The following ADGRL2 variants were observed in gnomAD, a reference collection of about 807,000 sequenced individuals.
The protein encoded by ADGRL2 is adhesion G protein-coupled receptor L2.
In ADGRL2, 44 loss-of-function variants were observed where a neutral mutation model predicts 157.4. That is an observed-to-expected ratio of 0.28 (90% CI 0.22 to 0.36). The LOEUF (loss-of-function observed/expected upper bound fraction) is 0.36. ADGRL2 is among the 10% of genes least tolerant of loss of function. The pLI, the probability that ADGRL2 is intolerant of heterozygous loss-of-function variation, is 1.00. For missense variants in ADGRL2, 1,510 were observed against 1,768.9 expected (o/e 0.85, Z 2.63); for synonymous variants, 585 against 624.7 (o/e 0.94, Z 0.95).
At chr1:81,467,960 TG>T (rs1441481318) in intron 2 of ADGRL2, among the ~76,000 whole-genome samples, 11 of 152,310 alleles carry the variant, frequency 7.2e-5, no homozygotes, top group Admixed American at 7.2e-4. Context: ...AAAATTTAAA[TG>T]TTTTTTCTAA....
chr1:81,669,920 G>A (rs2082837343), intron 3 of ADGRL2, among the ~76,000 whole-genome samples: 1 of 144,434 alleles, frequency 6.9e-6, no homozygotes, highest in South Asian at 2.2e-4. Context: ...TCCAGCCTGG[G>A]TGACAGAGTG....
chr1:81,409,215 G>T (rs1380393211), intron 1 of ADGRL2, among the ~76,000 whole-genome samples: 1 of 152,064 alleles, frequency 6.6e-6, no homozygotes, highest in African/African-American at 2.4e-5. Flanking sequence ...GCTCACTGGT[G>T]CATCCGCTAC....
chr1:81,470,465 T>G (rs2078148136), intron 2 of ADGRL2, among the ~76,000 whole-genome samples: 2 of 152,214 alleles, frequency 1.3e-5, no homozygotes, highest in Non-Finnish European at 2.9e-5. Context: ...CATGCCCTTT[T>G]TCAAGTTCCA....
At chr1:81,368,331 T>C (rs1440001428) in intron 1 of ADGRL2, among the ~76,000 whole-genome samples, 1 of 152,220 alleles carries the variant, frequency 6.6e-6, no homozygotes, top group Non-Finnish European at 1.5e-5. Context: ...TGTCTTCTTT[T>C]GAGAAGTGTC....
intron 3 of ADGRL2, among the ~76,000 whole-genome samples, chr1:81,916,566 AAG>A (rs1048628540): frequency 6.6e-6 from 1 of 152,096 alleles, no homozygotes; most frequent in Admixed American, 6.6e-5. Context: ...CAGTTAAAAA[AAG>A]AACAAGTTGT....
chr1:81,669,950 A>G (rs540889857), intron 3 of ADGRL2, among the ~76,000 whole-genome samples: 4 of 150,310 alleles, frequency 2.7e-5, no homozygotes, highest in African/African-American at 9.9e-5. Context: ...CTCAAAAAAA[A>G]AAAAAAAAAA....
At chr1:81,801,245 A>G (rs1026165960) in intron 1 of ADGRL2, among the ~76,000 whole-genome samples, 177 bp downstream of exon 1, 2 of 151,836 alleles carry the variant, frequency 1.3e-5, no homozygotes, top group Non-Finnish European at 2.9e-5. Context: ...TTGCTGGAAA[A>G]CTCAGGAGGG....
intron 1 of ADGRL2, among the ~76,000 whole-genome samples, chr1:81,394,579 A>C (rs141475257): frequency 6.6e-6 from 1 of 152,196 alleles, no homozygotes; most frequent in Admixed American, 6.5e-5. Flanking sequence ...TCCGTTGTGT[A>C]TATATACCAC....
chr1:81,536,204 A>G (rs2079733305), intron 2 of ADGRL2, among the ~76,000 whole-genome samples: 1 of 152,200 alleles, frequency 6.6e-6, no homozygotes, highest in South Asian at 2.1e-4. Context: ...TAATATGTGC[A>G]GTATATATTT....
chr1:81,905,196 C>G (rs1449398605), intron 2 of ADGRL2, among the ~76,000 whole-genome samples: 1 of 151,554 alleles, frequency 6.6e-6, no homozygotes, highest in Non-Finnish European at 1.5e-5. Context: ...CTCCCAGGTT[C>G]AAATGATTCT....
At chr1:81,468,435 C>T (rs965371064) in intron 2 of ADGRL2, among the ~76,000 whole-genome samples, 1 of 152,070 alleles carries the variant, frequency 6.6e-6, no homozygotes, top group African/African-American at 2.4e-5. Context: ...TAATCAAAGA[C>T]AGAAAATAAA....
chr1:81,910,117 G>C (rs12406616), intron 3 of ADGRL2, among the ~76,000 whole-genome samples: 32,321 of 151,420 alleles, frequency 0.21, 4,122 homozygotes, highest in East Asian at 0.62. Flanking sequence ...GCAGGCACCT[G>C]TAATCCCAGC....
At chr1:81,468,407 T>C (rs2078104169) in intron 2 of ADGRL2, among the ~76,000 whole-genome samples, 1 of 152,124 alleles carries the variant, frequency 6.6e-6, no homozygotes, top group Non-Finnish European at 1.5e-5. Context: ...AGGCAGATAA[T>C]TCAGAATTAA....
chr1:81,957,264 A>G (rs991090755), intron 11 of ADGRL2, among the ~76,000 whole-genome samples: 5 of 150,468 alleles, frequency 3.3e-5, no homozygotes, highest in South Asian at 4.2e-4. Context: ...GTTCACATCT[A>G]TGCTCCCATC....
intron 1 of ADGRL2, among the ~76,000 whole-genome samples, chr1:81,429,805 T>C (rs2077286238): frequency 6.6e-6 from 1 of 152,184 alleles, no homozygotes. Flanking sequence ...TTTCGGGTAA[T>C]GGAGGAAAGG....
intron 2 of ADGRL2, among the ~76,000 whole-genome samples, chr1:81,510,157 C>G (rs534435859): frequency 6.6e-6 from 1 of 152,208 alleles, no homozygotes; most frequent in South Asian, 2.1e-4. Flanking sequence ...TGCTAATGAA[C>G]TAAATTAGAC....
chr1:81,735,653 G>C (rs1407406819), intron 1 of ADGRL2, among the ~76,000 whole-genome samples: 7 of 152,040 alleles, frequency 4.6e-5, no homozygotes, highest in Non-Finnish European at 1.0e-4. Flanking sequence ...AGCCCAGCAT[G>C]ATGGTGGATG....
chr1:81,552,886 T>C (rs1468694083), intron 2 of ADGRL2, among the ~76,000 whole-genome samples: 2 of 152,190 alleles, frequency 1.3e-5, no homozygotes, highest in Non-Finnish European at 2.9e-5. Flanking sequence ...AAGTTTAAAT[T>C]ACTATTCTTG....
Position 81,923,120 on chromosome 1 carries a change from G to C in ADGRL2, c.288-13608G>C, listed in dbSNP as rs112660422. 8.6e-3 allele frequency among the ~76,000 whole-genome samples: 1,312 copies of C among 152,248 alleles called. 15 individuals carry two copies. The highest frequency in any genetic ancestry group is 0.014 in the Middle Eastern group (4 of 294). On this transcript the variant is annotated intron_variant, in intron 3 of 23. Transcript: ENST00000686636. Reference sequence around the variant, plus strand: ...AAGAGAATGCCATCAGCAATGCCTTGTTGCTTTCTTATCAGCTACTTCCTG... The same window carrying C: ...AAGAGAATGCCATCAGCAATGCCTTCTTGCTTTCTTATCAGCTACTTCCTG...
Sources: gnomAD v4.1 joint callset for allele counts (sites outside exome capture counted in the v4.1 genomes callset) on GRCh38, gnomAD v4.1.1 for gene constraint, MANE v1.5 for transcripts, NCBI Gene and HGNC (gene_info 2026-07-23, HGNC 2026-07-21) for gene names.